The following GALNT11 variants were observed in gnomAD, a reference collection of about 807,000 sequenced individuals.
GALNT11 encodes polypeptide N-acetylgalactosaminyltransferase 11.
In GALNT11, 47 loss-of-function variants were observed where a neutral mutation model predicts 72.7. The ratio of observed to expected loss-of-function variants is 0.65; its 90% confidence interval spans 0.51 to 0.82. The LOEUF (loss-of-function observed/expected upper bound fraction) is 0.82, where lower values mean the gene tolerates loss of function less well. Ranked by LOEUF, GALNT11 falls within the 40% of genes least tolerant of loss-of-function variation. The pLI, the probability that GALNT11 is intolerant of heterozygous loss-of-function variation, is 0.00. For synonymous variants in GALNT11, 270 were observed against 286.6 expected (o/e 0.94, Z 0.58); for missense variants, 677 against 778.4 (o/e 0.87, Z 1.55).
At position 152,103,206 on chromosome 7, in the gene GALNT11, C is replaced by T. The variant is rs1198588286; in HGVS notation, c.514C>T (p.His172Tyr). Residue 172 changes from histidine to tyrosine, a missense_variant, in exon 4 of 12, where the codon CAC (histidine) becomes TAC (tyrosine). Physicochemically the swap from His to Tyr is moderately conservative, Grantham distance 83 (BLOSUM62 2). Coordinates refer to ENST00000430044, the MANE Select transcript of GALNT11 (RefSeq NM_022087.4). Reference sequence around the variant, plus strand: ...GTTTTCTGCCTTGCTTCGGACAGTGCACAGTGTCATAGACCGCACGCCAGC... The same window carrying T: ...GTTTTCTGCCTTGCTTCGGACAGTGTACAGTGTCATAGACCGCACGCCAGC... The part of the protein sequence containing the change: ...EAFSALLRTV[H>Y]SVIDRTPAHL... The T allele has an allele frequency of 6.2e-7, 1 of 1,613,694 alleles. No individual in the cohort carries two copies. The highest frequency in any genetic ancestry group is 1.3e-5 in the African/African-American group (1 of 74,918).
intron 1 of GALNT11, among the ~76,000 whole-genome samples, chr7:152,077,160 C>T (rs1234194907): frequency 6.6e-6 from 1 of 152,238 alleles, no homozygotes; most frequent in African/African-American, 2.4e-5. Context: ...AGCCTGCACT[C>T]TTTGAAATGC....
chr7:152,115,253 C>T (rs1476203164), intron 8 of GALNT11, among the ~76,000 whole-genome samples: 1 of 152,184 alleles, frequency 6.6e-6, no homozygotes, highest in Admixed American at 6.5e-5. Flanking sequence ...GTTGACATTG[C>T]ACTGAGTGTG....
rs114899814 is a variant in GALNT11, at chr7:152,072,044, G to C, written c.-38-22146G>C. Among the ~76,000 whole-genome samples, 781 of 150,710 alleles carry C rather than the reference G, an allele frequency of 5.2e-3. 8 individuals are homozygous for C. The highest frequency in any genetic ancestry group is 0.018 in the African/African-American group (750 of 40,832). ...AAAAAAAAAAAAGTTTTTAAGCTGG[G>C]TGCTGTGGCTCACCCCTGTAATCCC... On this transcript the variant is annotated intron_variant, in intron 1 of 11. Transcript: ENST00000430044.
chr7:152,111,407 A>G (rs6464207), intron 7 of GALNT11, among the ~76,000 whole-genome samples: 25,123 of 152,208 alleles, frequency 0.17, 5,106 homozygotes, highest in African/African-American at 0.48. Flanking sequence ...CTCCTGCCTT[A>G]GCTTCCCAAG....
At chr7:152,045,294 G>A (rs535690376) in intron 1 of GALNT11, among the ~76,000 whole-genome samples, 4 of 152,208 alleles carry the variant, frequency 2.6e-5, no homozygotes, top group Admixed American at 2.0e-4. Flanking sequence ...GGTAATATTG[G>A]CCTCGCAGAA....
chr7:152,110,686 G>A, intron 7 of GALNT11, 41 bp downstream of exon 7: 2 of 1,293,742 alleles, frequency 1.5e-6, no homozygotes, highest in Non-Finnish European at 2.2e-6. Context: ...ACTGTGTAGT[G>A]GAATATGATT....
At chr7:152,038,298 A>G (rs1258781013) in intron 1 of GALNT11, among the ~76,000 whole-genome samples, 2 of 152,256 alleles carry the variant, frequency 1.3e-5, no homozygotes, top group East Asian at 3.8e-4. Context: ...CAAGCCAGTC[A>G]TAAGATTTAC....
At chr7:152,088,464 A>C (rs1024014894) in intron 1 of GALNT11, among the ~76,000 whole-genome samples, 1 of 151,192 alleles carries the variant, frequency 6.6e-6, no homozygotes, top group African/African-American at 2.4e-5. Flanking sequence ...CTTGAAGTAA[A>C]TACAACTTGT....
intron 10 of GALNT11, chr7:152,119,103 C>T (rs2089180606): frequency 1.6e-5 from 3 of 191,022 alleles, no homozygotes; most frequent in African/African-American, 2.3e-5. Flanking sequence ...CCTATCTCTG[C>T]TCGTCGTCAT....
intron 4 of GALNT11, 177 bp downstream of exon 4, chr7:152,103,455 A>G (rs2087181844): frequency 8.6e-6 from 5 of 582,834 alleles, no homozygotes; most frequent in South Asian, 7.9e-5. Flanking sequence ...TAACCTGCTT[A>G]TAAACTATGC....
intron 1 of GALNT11, among the ~76,000 whole-genome samples, chr7:152,071,284 CT>C (rs2084627791): frequency 6.7e-6 from 1 of 150,036 alleles, no homozygotes. Context: ...ACGGGCACAC[CT>C]GGGGGTGCTG....
At chr7:152,093,011 CT>C (rs1473928720) in intron 1 of GALNT11, among the ~76,000 whole-genome samples, 1 of 152,058 alleles carries the variant, frequency 6.6e-6, no homozygotes, top group Non-Finnish European at 1.5e-5. Context: ...GGCAGATCAC[CT>C]GAGGTCAGGA....
chr7:152,064,204 C>T (rs892386805), intron 1 of GALNT11, among the ~76,000 whole-genome samples: 6 of 152,116 alleles, frequency 3.9e-5, no homozygotes, highest in Admixed American at 6.5e-5. Context: ...ATCCCTTTAC[C>T]GTTATGTGAT....
chr7:152,079,642 C>G (rs1488228026), intron 1 of GALNT11, among the ~76,000 whole-genome samples: 1 of 152,194 alleles, frequency 6.6e-6, no homozygotes, highest in Non-Finnish European at 1.5e-5. Flanking sequence ...TGCTCTGAAC[C>G]TTTCCTAATT....
intron 6 of GALNT11, among the ~76,000 whole-genome samples, chr7:152,110,231 T>C (rs1398822329): frequency 6.6e-6 from 1 of 152,128 alleles, no homozygotes; most frequent in Non-Finnish European, 1.5e-5. Flanking sequence ...CTCTGTGAGA[T>C]TGTCAGAAGG....
chr7:152,059,221 G>C (rs1465298671), intron 1 of GALNT11, among the ~76,000 whole-genome samples: 1 of 151,988 alleles, frequency 6.6e-6, no homozygotes, highest in East Asian at 1.9e-4. Context: ...TCAGCCTCCC[G>C]AGTTGTTGGG....
intron 1 of GALNT11, among the ~76,000 whole-genome samples, chr7:152,078,224 TG>T (rs1321707597): frequency 2.0e-5 from 3 of 152,162 alleles, no homozygotes. Flanking sequence ...TTTTTGTGTT[TG>T]TTTTTTTTAG....
intron 1 of GALNT11, among the ~76,000 whole-genome samples, chr7:152,084,372 T>G (rs1295511581): frequency 7.1e-6 from 1 of 140,606 alleles, no homozygotes; most frequent in Non-Finnish European, 1.5e-5. Flanking sequence ...AGGGAGACCC[T>G]GTCTCTTTAA....
At chr7:152,029,171 A>G (rs1001487212) in intron 1 of GALNT11, among the ~76,000 whole-genome samples, 4 of 152,134 alleles carry the variant, frequency 2.6e-5, no homozygotes, top group African/African-American at 9.7e-5. Context: ...CTCCTTTCTC[A>G]GCAGTGAGGA....
Sources: allele counts gnomAD v4.1 joint callset (sites outside exome capture counted in the v4.1 genomes callset), GRCh38; gene constraint gnomAD v4.1.1; transcripts MANE v1.5; gene names NCBI Gene and HGNC (gene_info 2026-07-23, HGNC 2026-07-21).